MYH7B: variants seen among roughly 807,000 people sequenced by gnomAD.
MYH7B encodes the protein myosin heavy chain 7B.
Under a neutral mutation model 234.5 loss-of-function variants are expected in MYH7B, and 205 were observed. That is an observed-to-expected ratio of 0.87 (90% CI 0.78 to 0.98). The LOEUF (loss-of-function observed/expected upper bound fraction) is 0.98, where lower values mean the gene tolerates loss of function less well. MYH7B is among the 50% of genes least tolerant of loss of function. The pLI is 0.00. For synonymous variants in MYH7B, 1,193 were observed against 1,105.0 expected (o/e 1.08, Z -1.58); for missense variants, 2,652 against 2,633.4 (o/e 1.01, Z -0.15).
chr20:34,976,743 G>A (rs547577176), intron 3 of MYH7B, among the ~76,000 whole-genome samples: 2 of 152,352 alleles, frequency 1.3e-5, no homozygotes, highest in Admixed American at 6.5e-5. Context: ...GGGGTCCCCA[G>A]AAAGAGGATG....
chr20:34,977,924 C>A lies in MYH7B; in HGVS notation c.-72-10C>A, dbSNP rs1274090066. ...CCTAGTTCAGCTCCCTTGTCACTGCCATCTTCCAGTGCCTGCTGCCTTGGG... is the reference window on the plus strand; with the variant it reads ...CCTAGTTCAGCTCCCTTGTCACTGCAATCTTCCAGTGCCTGCTGCCTTGGG... On this transcript the variant is annotated splice_polypyrimidine_tract_variant and intron_variant, in intron 4 of 44. Coordinates refer to ENST00000262873, the Ensembl canonical transcript of MYH7B. The A allele has an allele frequency of 6.2e-7, 1 of 1,613,278 alleles. No homozygotes were observed. Among genetic ancestry groups the A allele is most frequent in the Non-Finnish European group, 8.5e-7 (1 of 1,179,986 alleles).
rs370575851 is a variant in MYH7B, at chr20:35,002,332, C to CCTT, written c.*147_*149dup. ...CCTGAATAAACACCACAGCCAGTTT[C>CCTT]CTTCTCATTCTTTTCTTTGGGGTTC... is the stretch of plus-strand genomic sequence containing the variant. On this transcript the variant is annotated 3_prime_UTR_variant, in exon 45 of 45. Coordinates refer to ENST00000262873, the Ensembl canonical transcript of MYH7B. 1.7e-4 allele frequency: 150 copies of CCTT among 887,596 alleles called. 1 individual carries two copies. In the South Asian group the frequency reaches 3.4e-3, roughly 20 times the overall value. 55.0% of individuals were successfully genotyped at this position (887,596 alleles called of 1,614,324 possible).
At chr20:34,994,966 T>C (rs2082225208) in intron 27 of MYH7B, among the ~76,000 whole-genome samples, 1 of 152,238 alleles carries the variant, frequency 6.6e-6, no homozygotes, top group East Asian at 1.9e-4. Context: ...TAAGGATACC[T>C]GAGCCCTTCC....
chr20:34,984,982 CG>C (rs754255699), intron 12 of MYH7B, 36 bp downstream of exon 12: 13 of 1,608,606 alleles, frequency 8.1e-6, no homozygotes, highest in Non-Finnish European at 1.1e-5. Flanking sequence ...GCGGGGATGC[CG>C]TAGGCCACCA....
intron 2 of MYH7B, among the ~76,000 whole-genome samples, chr20:34,960,390 C>T (rs968971117): frequency 2.6e-5 from 4 of 152,300 alleles, no homozygotes; most frequent in East Asian, 3.9e-4. Flanking sequence ...CGCCTGCCAC[C>T]ACGCCCGCCT....
exon 33 of MYH7B, chr20:34,998,352 A>G (rs2147235863): frequency 6.2e-7 from 1 of 1,613,968 alleles, no homozygotes; most frequent in East Asian, 2.2e-5. Context: ...GGCCAAGATC[A>G]AGGTGGAGGA....
At position 35,001,113 on chromosome 20, in the gene MYH7B, C is replaced by T. The variant is rs201560624; in HGVS notation, c.5430C>T (p.Ala1810=). The T allele has an allele frequency of 2.2e-5, 35 of 1,613,824 alleles. 1 individual carries two copies. In the East Asian group the frequency reaches 4.9e-4, roughly 23 times the overall value. ...CCCGCCTTGAGGAGGCAGAACAGGC[C>T]GCCCTCCGTGGCGGGAAGAAGCAGG... The change falls in exon 41 of 45, where the codon GCC becomes GCT. Residue 1810 remains alanine (A), a synonymous_variant. Transcript: ENST00000262873.
intron 14 of MYH7B, 129 bp downstream of exon 14, chr20:34,986,327 C>G: frequency 1.4e-6 from 1 of 699,014 alleles, no homozygotes; most frequent in Non-Finnish European, 2.4e-6. Context: ...GCCTCTCTTC[C>G]TTCTTGGGAC....
exon 12 of MYH7B, chr20:34,984,906 G>A (rs770823854): frequency 6.2e-7 from 1 of 1,614,086 alleles, no homozygotes; most frequent in African/African-American, 1.3e-5. Context: ...GAGGCCTTTG[G>A]CAACGCCAAG....
intron 2 of MYH7B, among the ~76,000 whole-genome samples, chr20:34,973,642 A>T (rs1239530164): frequency 6.6e-6 from 1 of 152,200 alleles, no homozygotes; most frequent in Non-Finnish European, 1.5e-5. Context: ...GAGATGGTGA[A>T]AAGTCCCCTT....
At chr20:34,993,341 T>C in exon 26 of MYH7B, 3 of 1,614,076 alleles carry the variant, frequency 1.9e-6, no homozygotes, top group Non-Finnish European at 2.5e-6. Flanking sequence ...CAGGTGTTCT[T>C]CAAGGCTGGG....
chr20:34,986,832 G>A (rs2082033415), intron 14 of MYH7B, 54 bp from the exon 15 acceptor site: 8 of 1,455,614 alleles, frequency 5.5e-6, no homozygotes, highest in Non-Finnish European at 7.7e-6. Flanking sequence ...TTGTTGTGGG[G>A]AGAATAGCCG....
Position 35,001,413 on chromosome 20 carries a change from T to TC in MYH7B, c.5581-13dup, listed in dbSNP as rs2082378825. ...TGGCCCAGCCCAAGCAAGCCCTGAG[T>TC]CCCCCTTGCCCGCCCAGGCCGAGGA... On this transcript the variant is annotated splice_polypyrimidine_tract_variant and intron_variant, in intron 42 of 44. Transcript: ENST00000262873. 3 of 1,594,412 alleles carry TC rather than the reference T, an allele frequency of 1.9e-6. No individual in the cohort carries two copies. The highest frequency in any genetic ancestry group is 2.6e-6 in the Non-Finnish European group (3 of 1,170,920).
Position 34,961,632 on chromosome 20 carries a change from A to G in MYH7B, c.-222+3420A>G, listed in dbSNP as rs571220239. Among the ~76,000 whole-genome samples, 14 of 152,304 alleles carry G rather than the reference A, an allele frequency of 9.2e-5. No individual in the cohort carries two copies. The South Asian group carries it at 2.3e-3, about 25-fold the overall frequency. On this transcript the variant is annotated intron_variant, in intron 2 of 44. Coordinates refer to ENST00000262873, the Ensembl canonical transcript of MYH7B. ...CACCACAGAAAGAAACCTCATCCCT[A>G]TTAGTAGATACTCCACAATTCTCCT...
intron 38 of MYH7B, among the ~76,000 whole-genome samples, 173 bp from the exon 39 acceptor site, chr20:35,000,120 A>G (rs2082341675): frequency 6.6e-6 from 1 of 151,890 alleles, no homozygotes; most frequent in Non-Finnish European, 1.5e-5. Flanking sequence ...CCTGGGCCTC[A>G]CTCTTGTCCA....
At chr20:34,958,034 G>T (rs376669796) in intron 1 of MYH7B, among the ~76,000 whole-genome samples, 64 bp from the exon 2 acceptor site, 1 of 152,206 alleles carries the variant, frequency 6.6e-6, no homozygotes, top group African/African-American at 2.4e-5. Context: ...AGGAACAAAA[G>T]AAGCTATTTC....
chr20:34,973,012 C>A (rs1891821692), intron 2 of MYH7B, among the ~76,000 whole-genome samples: 1 of 152,208 alleles, frequency 6.6e-6, no homozygotes, highest in Non-Finnish European at 1.5e-5. Flanking sequence ...CTGTCAAATT[C>A]TCTTGCTCAG....
exon 5 of MYH7B, chr20:34,978,089 A>T: frequency 6.2e-7 from 1 of 1,613,990 alleles, no homozygotes; most frequent in Non-Finnish European, 8.5e-7. Flanking sequence ...ACACTATCCC[A>T]TGGGACGGTA....
chr20:34,987,585 G>A (rs750679198), exon 17 of MYH7B: 3 of 1,613,790 alleles, frequency 1.9e-6, no homozygotes, highest in Non-Finnish European at 2.5e-6. Flanking sequence ...ACCTGATGGG[G>A]GTCAGCAGTG....
Sources: allele counts gnomAD v4.1 joint callset (sites outside exome capture counted in the v4.1 genomes callset), GRCh38; gene constraint gnomAD v4.1.1; transcripts MANE v1.5; gene names NCBI Gene and HGNC (gene_info 2026-07-23, HGNC 2026-07-21).